The following ERC2 variants were observed in gnomAD, a reference collection of about 807,000 sequenced individuals.
ERC2 encodes ELKS/RAB6-interacting/CAST family member 2, also known as ERC protein 2.
A neutral mutation model predicts 114.8 loss-of-function variants in ERC2; 42 were observed. The observed-to-expected ratio is 0.37, with a 90% confidence interval of 0.29 to 0.47. The LOEUF is 0.47. ERC2 is among the 20% of genes least tolerant of loss of function. The probability of loss-of-function intolerance (pLI) is 0.99; values close to 1 mark genes in which losing one functional copy is unlikely to be tolerated. For synonymous variants in ERC2, 454 were observed against 425.5 expected (o/e 1.07, Z -0.82); for missense variants, 939 against 1,150.7 (o/e 0.82, Z 2.66).
chr3:55,550,765 C>T (rs1424695715), intron 17 of ERC2, among the ~76,000 whole-genome samples: 1 of 152,082 alleles, frequency 6.6e-6, no homozygotes, highest in Non-Finnish European at 1.5e-5. Context: ...GCCTATAATC[C>T]CAGCACTTTG....
chr3:55,687,529 A>T (rs949224400), intron 16 of ERC2, among the ~76,000 whole-genome samples: 1 of 152,166 alleles, frequency 6.6e-6, no homozygotes, highest in African/African-American at 2.4e-5. Flanking sequence ...ATCACTTTCA[A>T]ATAGCCTACT....
At chr3:55,693,053 A>T (rs1477400834) in intron 16 of ERC2, among the ~76,000 whole-genome samples, 1 of 152,218 alleles carries the variant, frequency 6.6e-6, no homozygotes, top group East Asian at 1.9e-4. Context: ...ACAAACACGC[A>T]CTTTGGCTGA....
At position 55,773,291 on chromosome 3, in the gene ERC2, G is replaced by A. The variant is rs76363208; in HGVS notation, c.2565-38373C>T. On this transcript the variant is annotated intron_variant, in intron 14 of 17. Transcript: ENST00000288221. Reference sequence around the variant, plus strand: ...TTGCACTGGCCATGCCCTCTGCCTGGAGCGCTCTTCCCTCTCGGACATGCA... The same window carrying A: ...TTGCACTGGCCATGCCCTCTGCCTGAAGCGCTCTTCCCTCTCGGACATGCA... Among the ~76,000 whole-genome samples, 788 of 152,222 alleles carry A rather than the reference G, an allele frequency of 5.2e-3. 7 individuals are homozygous for A. The highest frequency in any genetic ancestry group is 0.018 in the African/African-American group (764 of 41,546).
intron 14 of ERC2, among the ~76,000 whole-genome samples, chr3:55,761,935 TCCC>T (rs1457039562): frequency 3.3e-5 from 1 of 30,170 alleles, no homozygotes; most frequent in East Asian, 1.5e-3. Context: ...CCCCCCTCCC[TCCC>T]TCCCTTCCTC....
At chr3:55,949,607 A>G (rs1343350270) in intron 13 of ERC2, among the ~76,000 whole-genome samples, 1 of 152,218 alleles carries the variant, frequency 6.6e-6, no homozygotes, top group Admixed American at 6.5e-5. Context: ...CTTTTGGCCA[A>G]TTAAAAAGAT....
intron 1 of ERC2, 99 bp from the exon 2 acceptor site, chr3:56,435,246 G>A (rs1005556414): frequency 2.6e-6 from 1 of 389,306 alleles, no homozygotes; most frequent in Admixed American, 4.3e-5. Flanking sequence ...ATGTACCTAT[G>A]TAGATAGGTG....
At chr3:55,783,771 C>T (rs1393544105) in intron 14 of ERC2, among the ~76,000 whole-genome samples, 2 of 152,078 alleles carry the variant, frequency 1.3e-5, no homozygotes, top group Admixed American at 6.5e-5. Flanking sequence ...CAGGTGATAA[C>T]GTGAGGATCA....
At chr3:55,866,933 T>C (rs1364491103) in intron 14 of ERC2, among the ~76,000 whole-genome samples, 1 of 152,144 alleles carries the variant, frequency 6.6e-6, no homozygotes, top group Non-Finnish European at 1.5e-5. Context: ...TTTTATGATA[T>C]AAAAGATGGT....
At chr3:55,814,407 C>T (rs1480119536) in intron 14 of ERC2, among the ~76,000 whole-genome samples, 1 of 152,182 alleles carries the variant, frequency 6.6e-6, no homozygotes, top group Non-Finnish European at 1.5e-5. Flanking sequence ...GATCTAGGAT[C>T]AAACCAAGAT....
At position 56,226,423 on chromosome 3, in the gene ERC2, T is replaced by A. The variant is rs147887576; in HGVS notation, c.1075-52903A>T. ...AAATTAAAAGTGCACGAAAAGTGGTTATTAAAAGACAGGGAAGATACTCAG... is the reference window on the plus strand; with the variant it reads ...AAATTAAAAGTGCACGAAAAGTGGTAATTAAAAGACAGGGAAGATACTCAG... On this transcript the variant is annotated intron_variant, in intron 3 of 17. Coordinates refer to ENST00000288221, the MANE Select transcript of ERC2 (RefSeq NM_015576.3). Among the ~76,000 whole-genome samples the A allele has an allele frequency of 3.7e-3, 560 of 152,230 alleles. 3 individuals are homozygous for A. The highest frequency in any genetic ancestry group is 5.3e-3 in the Non-Finnish European group (359 of 68,016).
intron 17 of ERC2, among the ~76,000 whole-genome samples, chr3:55,627,048 C>G (rs1027652783): frequency 1.3e-5 from 2 of 152,252 alleles, no homozygotes; most frequent in African/African-American, 4.8e-5. Flanking sequence ...TCCCACTGAA[C>G]AGTGTTGTCA....
intron 3 of ERC2, among the ~76,000 whole-genome samples, chr3:56,203,193 C>A (rs1575809010): frequency 6.6e-6 from 1 of 152,180 alleles, no homozygotes; most frequent in Admixed American, 6.5e-5. Flanking sequence ...TTATCAGAGA[C>A]CATCAAGAAT....
chr3:55,903,643 T>C (rs749851349), intron 13 of ERC2, among the ~76,000 whole-genome samples: 2 of 152,240 alleles, frequency 1.3e-5, no homozygotes, highest in Non-Finnish European at 2.9e-5. Flanking sequence ...GAATACCCCA[T>C]TTTGATGGGT....
intron 14 of ERC2, among the ~76,000 whole-genome samples, chr3:55,874,487 T>A (rs966672317): frequency 6.6e-6 from 1 of 152,150 alleles, no homozygotes; most frequent in African/African-American, 2.4e-5. Context: ...GACTTTAGTA[T>A]CAATCAGCTT....
chr3:55,870,811 T>A (rs62256774), intron 14 of ERC2, among the ~76,000 whole-genome samples: 10 of 152,166 alleles, frequency 6.6e-5, no homozygotes, highest in South Asian at 2.1e-4. Flanking sequence ...CTTCCTTGGC[T>A]CAAAGCCAAC....
intron 3 of ERC2, among the ~76,000 whole-genome samples, chr3:56,243,546 A>G (rs139543970): frequency 8.0e-4 from 122 of 152,356 alleles, no homozygotes; most frequent in Middle Eastern, 3.4e-3. Flanking sequence ...AAAAAAGAGC[A>G]AATGGAAGAA....
At chr3:55,829,818 C>T (rs967336778) in intron 14 of ERC2, among the ~76,000 whole-genome samples, 5 of 152,082 alleles carry the variant, frequency 3.3e-5, no homozygotes, top group Admixed American at 6.5e-5. Context: ...ATACACCACA[C>T]CTGCCCCAAA....
intron 2 of ERC2, among the ~76,000 whole-genome samples, chr3:56,398,331 G>A (rs575967303): frequency 5.0e-4 from 76 of 152,246 alleles, no homozygotes; most frequent in African/African-American, 1.4e-3. Flanking sequence ...GTTTAAGACC[G>A]AAAGGGGTAA....
At position 55,906,357 on chromosome 3, in the gene ERC2, G is replaced by A. The variant is rs1233998048; in HGVS notation, c.2404-17808C>T. On this transcript the variant is annotated intron_variant, in intron 13 of 17. Transcript: ENST00000288221. ...TGAGGCAGGAGAATGGCGTGAACCC[G>A]GGAGGCGGAGCTTGCAGTGAGCCGA... is the stretch of plus-strand genomic sequence containing the variant. 4.7e-5 allele frequency among the ~76,000 whole-genome samples: 7 copies of A among 150,462 alleles called. No homozygotes were observed. In the East Asian group the frequency reaches 5.9e-4, roughly 13 times the overall value.
Sources: allele counts gnomAD v4.1 joint callset (sites outside exome capture counted in the v4.1 genomes callset), GRCh38; gene constraint gnomAD v4.1.1; transcripts MANE v1.5; gene names NCBI Gene and HGNC (gene_info 2026-07-23, HGNC 2026-07-21).